C1orf87: variants seen among roughly 807,000 people sequenced by gnomAD.
C1orf87 encodes uncharacterized protein C1orf87.
A neutral mutation model predicts 60.5 loss-of-function variants in C1orf87; 58 were observed. The ratio of observed to expected loss-of-function variants is 0.96; its 90% CI spans 0.78 to 1.19. The LOEUF (loss-of-function observed/expected upper bound fraction) is 1.19. C1orf87 is among the 50% of genes most tolerant of loss of function. The pLI, the probability that C1orf87 is intolerant of heterozygous loss-of-function variation, is 0.00. For missense variants in C1orf87, 673 were observed against 638.6 expected (o/e 1.05, Z -0.58); for synonymous variants, 236 against 227.4 (o/e 1.04, Z -0.34).
intron 2 of C1orf87, among the ~76,000 whole-genome samples, chr1:60,067,242 T>G (rs1245238452): frequency 6.6e-6 from 1 of 152,210 alleles, no homozygotes; most frequent in Non-Finnish European, 1.5e-5. Flanking sequence ...ATCACCACAC[T>G]GTCTTCCACA....
intron 7 of C1orf87, among the ~76,000 whole-genome samples, chr1:60,028,883 T>C (rs1020361079): frequency 2.0e-5 from 3 of 152,158 alleles, no homozygotes; most frequent in African/African-American, 4.8e-5. Context: ...TTGTTTTGAA[T>C]TTCCTTTCTT....
intron 7 of C1orf87, among the ~76,000 whole-genome samples, chr1:60,033,218 T>C (rs572861744): frequency 1.4e-4 from 22 of 152,358 alleles, no homozygotes; most frequent in African/African-American, 5.3e-4. Context: ...TATGAAATAT[T>C]ATTTGAGTGT....
At chr1:60,027,158 C>A (rs1221295776) in intron 7 of C1orf87, among the ~76,000 whole-genome samples, 1 of 152,172 alleles carries the variant, frequency 6.6e-6, no homozygotes, top group Non-Finnish European at 1.5e-5. Flanking sequence ...GATACTTCAG[C>A]CTTCGCAGGG....
At chr1:60,015,933 T>C (rs1645121365) in intron 8 of C1orf87, among the ~76,000 whole-genome samples, 1 of 152,162 alleles carries the variant, frequency 6.6e-6, no homozygotes, top group South Asian at 2.1e-4. Flanking sequence ...GTATTTTTAG[T>C]AGAGGCAGGG....
At chr1:60,007,653 T>G (rs1455796137) in intron 9 of C1orf87, among the ~76,000 whole-genome samples, 4 of 152,062 alleles carry the variant, frequency 2.6e-5, no homozygotes, top group East Asian at 1.9e-4. Flanking sequence ...AATATTCTTT[T>G]GGATTTTATC....
At chr1:60,001,672 G>T (rs1645006383) in intron 9 of C1orf87, among the ~76,000 whole-genome samples, 1 of 152,048 alleles carries the variant, frequency 6.6e-6, no homozygotes, top group Admixed American at 6.6e-5. Context: ...TTGTAACTTA[G>T]GGAGTTGAAG....
chr1:60,040,204 G>A lies in C1orf87; in HGVS notation c.484-24C>T, dbSNP rs776330494. The stretch of plus-strand genomic sequence containing the variant: ...TCCTAACACAACAATGAAAAACAAA[G>A]AGCAAGACTCTTCAATCAGCCGGCT... On this transcript the variant is annotated intron_variant, in intron 4 of 11. Transcript: ENST00000371201. The A allele has an allele frequency of 1.9e-6, 3 of 1,594,010 alleles. No individual in the cohort carries two copies. In the Admixed American group the frequency reaches 5.4e-5, roughly 28 times the overall value.
intron 2 of C1orf87, among the ~76,000 whole-genome samples, chr1:60,059,339 A>G (rs911974932): frequency 6.6e-6 from 1 of 152,234 alleles, no homozygotes; most frequent in Middle Eastern, 3.2e-3. Context: ...TAGCTTCCGC[A>G]TATGTACTTC....
At chr1:60,033,256 A>G (rs1043998484) in intron 7 of C1orf87, among the ~76,000 whole-genome samples, 3 of 152,238 alleles carry the variant, frequency 2.0e-5, no homozygotes, top group African/African-American at 7.2e-5. Flanking sequence ...TTAACATAAA[A>G]CAGCCCAATA....
chr1:60,036,112 C>T (rs1351745462), intron 6 of C1orf87, among the ~76,000 whole-genome samples: 3 of 152,148 alleles, frequency 2.0e-5, no homozygotes, highest in African/African-American at 2.4e-5. Context: ...CTCAGTAAGA[C>T]AGTTGCTCCC....
intron 9 of C1orf87, among the ~76,000 whole-genome samples, chr1:60,010,050 T>A (rs1403763015): frequency 6.6e-6 from 1 of 150,592 alleles, no homozygotes; most frequent in East Asian, 2.0e-4. Flanking sequence ...GTGGAATAAA[T>A]ACCTAGCTAT....
chr1:60,010,514 C>T (rs940684633), intron 8 of C1orf87, 58 bp from the exon 9 acceptor site: 18 of 1,425,924 alleles, frequency 1.3e-5, no homozygotes, highest in Admixed American at 5.1e-5. Context: ...GAAAGAATGT[C>T]CAGTGAAGCT....
chr1:60,048,742 C>G (rs1645391336), intron 3 of C1orf87, among the ~76,000 whole-genome samples: 1 of 151,700 alleles, frequency 6.6e-6, no homozygotes, highest in African/African-American at 2.4e-5. Flanking sequence ...TAATTAATTC[C>G]TTCATTTTAA....
At chr1:60,072,319 C>T (rs1264783983) in intron 2 of C1orf87, among the ~76,000 whole-genome samples, 1 of 151,886 alleles carries the variant, frequency 6.6e-6, no homozygotes, top group African/African-American at 2.4e-5. Flanking sequence ...GAAAATCAGC[C>T]CAAGTAATTA....
At chr1:60,064,349 ATG>A (rs1436309553) in intron 2 of C1orf87, among the ~76,000 whole-genome samples, 662 of 141,040 alleles carry the variant, frequency 4.7e-3, no homozygotes, top group South Asian at 0.014. Flanking sequence ...TATGTAATAT[ATG>A]TAATATATAA....
chr1:60,044,787 C>T (rs1240251807), intron 3 of C1orf87, among the ~76,000 whole-genome samples: 1 of 152,178 alleles, frequency 6.6e-6, no homozygotes, highest in Non-Finnish European at 1.5e-5. Context: ...TGTCAGAGCA[C>T]CTATGAAGTC....
Position 60,023,215 on chromosome 1 carries a change from G to A in C1orf87, c.1127+2186C>T, listed in dbSNP as rs76946499. Reference sequence around the variant, plus strand: ...GTCTGAAGTTCATTGAGCTCCTTGCGTCCATGTCTTTATAGTTTTCTCCAA... The same window carrying A: ...GTCTGAAGTTCATTGAGCTCCTTGCATCCATGTCTTTATAGTTTTCTCCAA... On this transcript the variant is annotated intron_variant, in intron 8 of 11. Transcript: ENST00000371201. Among the ~76,000 whole-genome samples, 349 of 152,002 alleles carry A rather than the reference G, an allele frequency of 2.3e-3. 2 individuals carry two copies. Among genetic ancestry groups the A allele is most frequent in the African/African-American group, 7.9e-3 (329 of 41,462 alleles).
intron 3 of C1orf87, among the ~76,000 whole-genome samples, chr1:60,053,803 G>GA (rs1273760122): frequency 2.0e-5 from 3 of 151,456 alleles, no homozygotes; most frequent in African/African-American, 2.4e-5. Context: ...TTTAAGTAAA[G>GA]AAAAAAAAGA....
intron 7 of C1orf87, among the ~76,000 whole-genome samples, chr1:60,032,432 GTTTTTT>G (rs11376932): frequency 1.1e-5 from 1 of 88,558 alleles, no homozygotes; most frequent in African/African-American, 4.6e-5. Context: ...TGAGACTCAG[GTTTTTT>G]TTTTTTTTTT....
Sources: allele counts gnomAD v4.1 joint callset (sites outside exome capture counted in the v4.1 genomes callset), GRCh38; gene constraint gnomAD v4.1.1; transcripts MANE v1.5; gene names NCBI Gene and HGNC (gene_info 2026-07-23, HGNC 2026-07-21).